The following FOXO3 variants were observed in gnomAD, a reference collection of about 807,000 sequenced individuals.
FOXO3 encodes the protein forkhead box O3, also known as forkhead box protein O3.
Under a neutral mutation model 41.9 loss-of-function variants are expected in FOXO3, and 4 were observed. The observed-to-expected ratio is 0.10, with a 90% CI of 0.05 to 0.22. The LOEUF (loss-of-function observed/expected upper bound fraction) is 0.22. FOXO3 is among the 10% of genes least tolerant of loss of function. The pLI is 1.00. For missense variants in FOXO3, 534 were observed against 906.8 expected (o/e 0.59, Z 5.28); for synonymous variants, 318 against 389.3 (o/e 0.82, Z 2.16).
At chr6:108,642,317 C>T (rs1274126268) in intron 1 of FOXO3, among the ~76,000 whole-genome samples, 3 of 152,024 alleles carry the variant, frequency 2.0e-5, no homozygotes, top group African/African-American at 7.3e-5. Flanking sequence ...TATCAAACTC[C>T]TGGGCTCAAG....
At chr6:108,576,130 C>G (rs563101186) in intron 1 of FOXO3, among the ~76,000 whole-genome samples, 7 of 152,174 alleles carry the variant, frequency 4.6e-5, no homozygotes, top group African/African-American at 7.2e-5. Context: ...CAGCCCTTCT[C>G]TCTCCAAGCC....
intron 1 of FOXO3, among the ~76,000 whole-genome samples, chr6:108,630,900 TATTA>T (rs1777957127): frequency 1.3e-5 from 2 of 152,230 alleles, no homozygotes; most frequent in African/African-American, 2.4e-5. Flanking sequence ...ACCGAAAGGC[TATTA>T]ATTAATTGAT....
intron 1 of FOXO3, among the ~76,000 whole-genome samples, chr6:108,643,612 A>T (rs536686020): frequency 6.6e-6 from 1 of 152,314 alleles, no homozygotes; most frequent in Non-Finnish European, 1.5e-5. Context: ...TGGCAACCCA[A>T]CAATTTCTTC....
chr6:108,616,755 C>A (rs1777525031), intron 1 of FOXO3, among the ~76,000 whole-genome samples: 1 of 152,122 alleles, frequency 6.6e-6, no homozygotes, highest in Non-Finnish European at 1.5e-5. Context: ...CTTTCGTCAC[C>A]CCACAAAGAA....
chr6:108,659,776 A>G (rs1778791055), intron 1 of FOXO3, among the ~76,000 whole-genome samples: 1 of 152,180 alleles, frequency 6.6e-6, no homozygotes, highest in Non-Finnish European at 1.5e-5. Flanking sequence ...GAAGCTTAAT[A>G]TCTGTGTCCA....
intron 1 of FOXO3, among the ~76,000 whole-genome samples, chr6:108,648,208 C>A (rs1778446421): frequency 6.6e-6 from 1 of 152,162 alleles, no homozygotes; most frequent in African/African-American, 2.4e-5. Flanking sequence ...AAACTCAGTA[C>A]TGTTAGGACT....
intron 1 of FOXO3, among the ~76,000 whole-genome samples, chr6:108,601,864 G>A (rs1433216481): frequency 2.0e-5 from 3 of 152,254 alleles, no homozygotes; most frequent in Non-Finnish European, 4.4e-5. Context: ...GTATGGCTAG[G>A]TTACATTTTA....
chr6:108,623,110 C>T (rs1186169192), intron 1 of FOXO3, among the ~76,000 whole-genome samples: 2 of 152,098 alleles, frequency 1.3e-5, no homozygotes, highest in African/African-American at 4.8e-5. Context: ...CAGCATGCCT[C>T]AGAAGCCTGC....
rs1313406999 is a variant in FOXO3 at position 108,682,090 on chromosome 6, A to G, written c.*2298A>G. ...GTTCAGAGAAACATGCAAAGTGACT[A>G]ACAAAATAGCTACTTACCTTTGCAG... On this transcript the variant is annotated 3_prime_UTR_variant, in exon 3 of 3. Transcript: ENST00000406360. 1 of 152,578 alleles carries G rather than the reference A, an allele frequency of 6.6e-6. No individual in the cohort carries two copies. 9.5% of individuals were successfully genotyped at this position (152,578 alleles called of 1,614,324 possible).
At chr6:108,575,532 T>G (rs1329782307) in intron 1 of FOXO3, among the ~76,000 whole-genome samples, 1 of 152,212 alleles carries the variant, frequency 6.6e-6, no homozygotes, top group African/African-American at 2.4e-5. Context: ...AACTACCTAA[T>G]TTAAAAGCGT....
At chr6:108,649,564 G>C (rs1260964652) in intron 1 of FOXO3, among the ~76,000 whole-genome samples, 1 of 107,888 alleles carries the variant, frequency 9.3e-6, no homozygotes, top group African/African-American at 3.7e-5. Flanking sequence ...TCACTGTGTT[G>C]CCCAAGCTGG....
intron 1 of FOXO3, among the ~76,000 whole-genome samples, chr6:108,579,377 G>C (rs1212921475): frequency 6.6e-6 from 1 of 152,194 alleles, no homozygotes; most frequent in African/African-American, 2.4e-5. Context: ...AACAACATCA[G>C]AAGGTCCACA....
At chr6:108,591,358 T>C (rs575002401) in intron 1 of FOXO3, among the ~76,000 whole-genome samples, 1 of 152,302 alleles carries the variant, frequency 6.6e-6, no homozygotes, top group South Asian at 2.1e-4. Flanking sequence ...ATTTGGGCAG[T>C]TAGGTTACAC....
At chr6:108,661,493 G>T (rs1008052307) in intron 1 of FOXO3, among the ~76,000 whole-genome samples, 18 of 152,074 alleles carry the variant, frequency 1.2e-4, no homozygotes, top group African/African-American at 4.3e-4. Flanking sequence ...TTTACTGCAG[G>T]AGGCATTTTA....
chr6:108,664,406 C>T lies in FOXO3; in HGVS notation c.1573C>T (p.Gln525Ter). 6.2e-7 allele frequency: 1 copy of T among 1,613,812 alleles called. No individual in the cohort carries two copies. Residue 525 changes from glutamine to a stop codon, truncating the protein, a stop_gained, in exon 2 of 3, where the codon CAG (glutamine) becomes TAG (stop). Transcript: ENST00000406360. LOFTEE classifies it high-confidence loss of function. ...PMMSFAAQPN[Q>*]GSLVNQNLLH... ...GATGTCCTTTGCTGCCCAGCCTAAC[C>T]AGGGAAGTTTGGTCAATCAGAACTT...
chr6:108,569,480 G>A (rs1366755315), intron 1 of FOXO3, among the ~76,000 whole-genome samples: 1 of 152,224 alleles, frequency 6.6e-6, no homozygotes, highest in Non-Finnish European at 1.5e-5. Context: ...TGTGTTTCAA[G>A]CCAGGCTTTT....
chr6:108,560,835 C>T (rs904121013), upstream of FOXO3: 18 of 552,612 alleles, frequency 3.3e-5, no homozygotes, highest in Non-Finnish European at 4.5e-5. Flanking sequence ...GAGGGACCTG[C>T]GGCTGGGCGG....
chr6:108,585,738 CGTT>C (rs1776564447), intron 1 of FOXO3, among the ~76,000 whole-genome samples: 1 of 152,142 alleles, frequency 6.6e-6, no homozygotes, highest in Non-Finnish European at 1.5e-5. Context: ...GAAAAGGTAT[CGTT>C]ATTATTATTC....
chr6:108,615,703 A>G (rs1457030832), intron 1 of FOXO3, among the ~76,000 whole-genome samples: 1 of 151,900 alleles, frequency 6.6e-6, no homozygotes, highest in Non-Finnish European at 1.5e-5. Flanking sequence ...GATCTCAATT[A>G]CACATATGTT....
Sources: allele counts gnomAD v4.1 joint callset (sites outside exome capture counted in the v4.1 genomes callset), GRCh38; gene constraint gnomAD v4.1.1; transcripts MANE v1.5; gene names NCBI Gene and HGNC (gene_info 2026-07-23, HGNC 2026-07-21).